Variants in PDE1A observed in about 807,000 individuals in gnomAD.
PDE1A encodes phosphodiesterase 1A, also known as dual specificity calcium/calmodulin-dependent 3',5'-cyclic nucleotide phosphodiesterase 1A.
PDE1A carries 35 observed loss-of-function variants against 61.7 expected under a neutral mutation model. The observed-to-expected ratio is 0.57, with a 90% CI of 0.43 to 0.75. PDE1A has a LOEUF of 0.75. Among genes scored for constraint, PDE1A ranks in the 30% least tolerant of loss-of-function variants. The probability of loss-of-function intolerance (pLI) is 0.00; values close to 1 mark genes in which losing one functional copy is unlikely to be tolerated. For synonymous variants in PDE1A, 232 were observed against 213.2 expected (o/e 1.09, Z -0.77); for missense variants, 597 against 630.6 (o/e 0.95, Z 0.57).
At chr2:182,330,538 A>T (rs1697336376) in intron 1 of PDE1A, among the ~76,000 whole-genome samples, 1 of 152,044 alleles carries the variant, frequency 6.6e-6, no homozygotes, top group Non-Finnish European at 1.5e-5. Context: ...AATGACCCTT[A>T]TGTGCAAGCC....
At chr2:182,595,027 A>G in the PDE1A span, among the ~76,000 whole-genome samples, 1 of 152,342 alleles carries the variant, frequency 6.6e-6, no homozygotes, top group East Asian at 1.9e-4. Context: ...ACACATTCAT[A>G]TAAAATAAGC....
intron 13 of PDE1A, among the ~76,000 whole-genome samples, chr2:182,149,750 G>C (rs1198605157): frequency 6.6e-6 from 1 of 152,210 alleles, no homozygotes; most frequent in East Asian, 1.9e-4. Flanking sequence ...ATCCATTAAA[G>C]ATCATCTTAG....
intron 1 of PDE1A, among the ~76,000 whole-genome samples, chr2:182,335,269 T>A (rs1697720451): frequency 6.6e-6 from 1 of 152,126 alleles, no homozygotes; most frequent in South Asian, 2.1e-4. Context: ...AAAATGACTT[T>A]AAATTTCATA....
chr2:182,317,485 A>G (rs943041792), intron 1 of PDE1A, among the ~76,000 whole-genome samples: 3 of 151,940 alleles, frequency 2.0e-5, no homozygotes, highest in African/African-American at 7.3e-5. Context: ...CAGACTAGAA[A>G]TGCAGATAGG....
At chr2:182,440,875 CCT>C (rs1229012899) in intron 2 of PDE1A, among the ~76,000 whole-genome samples, 1 of 151,692 alleles carries the variant, frequency 6.6e-6, no homozygotes, top group Non-Finnish European at 1.5e-5. Context: ...TTTTAGTATG[CCT>C]AAGCACTGAG....
At chr2:182,552,611 A>G in the PDE1A span, among the ~76,000 whole-genome samples, 2 of 152,010 alleles carry the variant, frequency 1.3e-5, no homozygotes, top group African/African-American at 4.8e-5. Flanking sequence ...ACCTTTAAAC[A>G]CGGGGCTTGC....
At chr2:182,468,216 G>A (rs1686798075) in intron 2 of PDE1A, among the ~76,000 whole-genome samples, 1 of 151,956 alleles carries the variant, frequency 6.6e-6, no homozygotes, top group South Asian at 2.1e-4. Flanking sequence ...ATGTGATGCT[G>A]TTTGATAGCA....
intron 5 of PDE1A, among the ~76,000 whole-genome samples, chr2:182,230,423 A>C (rs891772689): frequency 6.6e-6 from 1 of 152,174 alleles, no homozygotes. Flanking sequence ...GAGAGTAGGA[A>C]GGCTAATTCG....
the PDE1A span, among the ~76,000 whole-genome samples, chr2:182,676,777 T>C: frequency 5.3e-5 from 8 of 152,154 alleles, no homozygotes. Flanking sequence ...AATCAATAAA[T>C]GTAATTCATC....
chr2:182,491,048 A>T (rs1447651711), intron 2 of PDE1A, among the ~76,000 whole-genome samples: 1 of 152,224 alleles, frequency 6.6e-6, no homozygotes, highest in Non-Finnish European at 1.5e-5. Flanking sequence ...GGTTGATGGG[A>T]ACGTAATTGC....
At chr2:182,359,410 C>T (rs833147) in intron 1 of PDE1A, among the ~76,000 whole-genome samples, 2,055 of 152,174 alleles carry the variant, frequency 0.014, 43 homozygotes, top group African/African-American at 0.046. Context: ...GACTTTATAA[C>T]GTAAAACTGC....
intron 2 of PDE1A, among the ~76,000 whole-genome samples, chr2:182,472,849 T>A (rs1389603045): frequency 6.6e-6 from 1 of 151,892 alleles, no homozygotes; most frequent in African/African-American, 2.4e-5. Context: ...TTTTTTTAAA[T>A]AAATACATTT....
chr2:182,566,020 G>T, the PDE1A span, among the ~76,000 whole-genome samples: 1 of 152,168 alleles, frequency 6.6e-6, no homozygotes, highest in Non-Finnish European at 1.5e-5. Flanking sequence ...GGAATTGTGA[G>T]TTCAGGGAGT....
At chr2:182,522,547 CA>C in intron 1 of PDE1A, 1 of 1,435,758 alleles carries the variant, frequency 7.0e-7, no homozygotes, top group Non-Finnish European at 9.1e-7. Context: ...TTGACTTTGA[CA>C]GGCATATATC....
At chr2:182,675,135 G>T in the PDE1A span, among the ~76,000 whole-genome samples, 1 of 152,136 alleles carries the variant, frequency 6.6e-6, no homozygotes, top group African/African-American at 2.4e-5. Flanking sequence ...AGGACCCAAT[G>T]TTTGTTGTTC....
intron 13 of PDE1A, among the ~76,000 whole-genome samples, chr2:182,156,598 T>C (rs1691094215): frequency 6.6e-6 from 1 of 152,220 alleles, no homozygotes; most frequent in South Asian, 2.1e-4. Context: ...CTTCCTTCTC[T>C]AACAAGCTAC....
intron 1 of PDE1A, among the ~76,000 whole-genome samples, chr2:182,378,184 A>G (rs937307337): frequency 2.0e-5 from 3 of 152,164 alleles, no homozygotes; most frequent in Admixed American, 6.6e-5. Flanking sequence ...TGATAACAAA[A>G]CAACATGAAT....
intron 1 of PDE1A, among the ~76,000 whole-genome samples, chr2:182,395,850 G>C (rs1011787462): frequency 6.6e-6 from 1 of 152,194 alleles, no homozygotes; most frequent in African/African-American, 2.4e-5. Context: ...CCTTTTGAGA[G>C]ACAGCTCTTG....
At chr2:182,713,782 T>C in the PDE1A span, among the ~76,000 whole-genome samples, 1 of 152,246 alleles carries the variant, frequency 6.6e-6, no homozygotes, top group African/African-American at 2.4e-5. Context: ...GCCTAAAGCA[T>C]TTCCTCTTTG....
Sources: gnomAD v4.1 joint callset for allele counts (sites outside exome capture counted in the v4.1 genomes callset) on GRCh38, gnomAD v4.1.1 for gene constraint, MANE v1.5 for transcripts, NCBI Gene and HGNC (gene_info 2026-07-23, HGNC 2026-07-21) for gene names.